The following ADAMTS2 variants were observed in gnomAD, a reference collection of about 807,000 sequenced individuals.
The protein encoded by ADAMTS2 is A disintegrin and metalloproteinase with thrombospondin motifs 2.
A neutral mutation model predicts 123.0 loss-of-function variants in ADAMTS2; 50 were observed. The ratio of observed to expected loss-of-function variants is 0.41; its 90% CI spans 0.32 to 0.51. ADAMTS2 has a LOEUF of 0.51. ADAMTS2 is among the 20% of genes least tolerant of loss of function. The pLI, the probability that ADAMTS2 is intolerant of heterozygous loss-of-function variation, is 0.35. For synonymous variants in ADAMTS2, 678 were observed against 695.4 expected (o/e 0.98, Z 0.39); for missense variants, 1,494 against 1,705.2 (o/e 0.88, Z 2.18).
Position 179,162,693 on chromosome 5 carries a change from C to T in ADAMTS2, c.976-3814G>A, listed in dbSNP as rs111611225. ...TCTGCTTTTGATAGAATCTCAGTCC[C>T]GCCTACCGCAGGGCATGGACATTAA... On this transcript the variant is annotated intron_variant, in intron 5 of 21. Transcript: ENST00000251582. This position sits in a 1 kb window ranked among gnomAD's most constrained non-coding sequence, Gnocchi z 5.1. Among the ~76,000 whole-genome samples, 976 of 152,350 alleles carry T rather than the reference C, an allele frequency of 6.4e-3. 4 individuals carry two copies. The highest frequency in any genetic ancestry group is 9.0e-3 in the Non-Finnish European group (610 of 68,036).
chr5:179,223,810 ATG>A lies in ADAMTS2; in HGVS notation c.689-16097_689-16096del, dbSNP rs548416353. Among the ~76,000 whole-genome samples the A allele has an allele frequency of 2.0e-4, 31 of 151,348 alleles. No homozygotes were observed. In the South Asian group the frequency reaches 5.9e-3, roughly 29 times the overall value. Reference sequence around the variant, plus strand: ...GTGTGCATGTCACACGTGTGTGCATATGTGACATGCACACTCAGGCACACACA... The same window carrying A: ...GTGTGCATGTCACACGTGTGTGCATATGACATGCACACTCAGGCACACACA... On this transcript the variant is annotated intron_variant, in intron 3 of 21. Transcript: ENST00000251582.
At position 179,175,898 on chromosome 5, in the gene ADAMTS2, G is replaced by A. The variant is rs1376183239; in HGVS notation, c.975+5174C>T. 1.3e-5 allele frequency among the ~76,000 whole-genome samples: 2 copies of A among 152,002 alleles called. No homozygotes were observed. The highest frequency in any genetic ancestry group is 4.8e-5 in the African/African-American group (2 of 41,380). ...AGCAGGTTCAGCAGGCTGCGGATCTGCTGAGCAAGAAGCTTCCGTGGAGAA... is the reference window on the plus strand; with the variant it reads ...AGCAGGTTCAGCAGGCTGCGGATCTACTGAGCAAGAAGCTTCCGTGGAGAA... On this transcript the variant is annotated intron_variant, in intron 5 of 21. Transcript: ENST00000251582. This position sits in a 1 kb window ranked among gnomAD's most constrained non-coding sequence, Gnocchi z 4.1.
intron 2 of ADAMTS2, among the ~76,000 whole-genome samples, chr5:179,339,118 T>A (rs1027420051): frequency 6.6e-6 from 1 of 152,202 alleles, no homozygotes; most frequent in Non-Finnish European, 1.5e-5. Context: ...TCCCTTCTTG[T>A]ATGATAGGCC....
chr5:179,151,443 G>A (rs1234279653), intron 10 of ADAMTS2, among the ~76,000 whole-genome samples: 1 of 152,136 alleles, frequency 6.6e-6, no homozygotes, highest in Non-Finnish European at 1.5e-5. Context: ...GGCCTGGCTG[G>A]GATGTGCACC....
chr5:179,125,156 T>C lies in ADAMTS2; in HGVS notation c.2775A>G (p.Pro925=). ...CTGTCCGCCCACAGGTCTGGCTACATGGCTCCCATTCGCCTGTGACCCACC... is the reference window on the plus strand; with the variant it reads ...CTGTCCGCCCACAGGTCTGGCTACACGGCTCCCATTCGCCTGTGACCCACC... ...QPVWVTGEWE[P]CSQTCGRTGM... Residue 925 remains proline, a synonymous_variant, in exon 19 of 22, where the codon CCA becomes CCG. Coordinates refer to ENST00000251582, the MANE Select transcript of ADAMTS2 (RefSeq NM_014244.5). 6 of 1,612,802 alleles carry C rather than the reference T, an allele frequency of 3.7e-6. No individual in the cohort carries two copies. Among genetic ancestry groups the C allele is most frequent in the Non-Finnish European group, 5.1e-6 (6 of 1,179,912 alleles).
intron 2 of ADAMTS2, among the ~76,000 whole-genome samples, chr5:179,340,293 G>A (rs1757736452): frequency 6.6e-6 from 1 of 152,190 alleles, no homozygotes; most frequent in African/African-American, 2.4e-5. Context: ...GGAGGCAGAG[G>A]CGGGCAGGGT....
At chr5:179,195,393 C>T (rs2113347017) in intron 4 of ADAMTS2, among the ~76,000 whole-genome samples, 1 of 152,364 alleles carries the variant, frequency 6.6e-6, no homozygotes, top group South Asian at 2.1e-4. Context: ...TCAGGCCACC[C>T]ACACACCAGA....
At position 179,113,888 on chromosome 5, in the gene ADAMTS2, T is replaced by C. The variant is rs1762614350; in HGVS notation, c.3615A>G (p.Lys1205=). ...TTTATTAGAACTTTCCGAGCATCTC[T>C]TTCTTCCGCATCTCATCAATGAGCT... ...IQELIDEMRK[K]EMLGKF Residue 1205 remains lysine, a synonymous_variant, in exon 22 of 22, where the codon AAA becomes AAG. Coordinates refer to ENST00000251582, the MANE Select transcript of ADAMTS2 (RefSeq NM_014244.5). 1 of 1,614,246 alleles carries C rather than the reference T, an allele frequency of 6.2e-7. No homozygotes were observed. The highest frequency in any genetic ancestry group is 8.5e-7 in the Non-Finnish European group (1 of 1,180,048).
chr5:179,289,583 C>T (rs1287101769), intron 2 of ADAMTS2, among the ~76,000 whole-genome samples: 2 of 152,098 alleles, frequency 1.3e-5, no homozygotes, highest in East Asian at 1.9e-4. Context: ...ATTTAATCAT[C>T]GCAATGGGAA....
rs1185547080 is a variant in ADAMTS2, at chr5:179,117,496, C to A, written c.3179-3172G>T. ...CCATCTACGGCTAGTGTGCCAAGTC[C>A]CTCCCTCCACCTGGTTTTGTAAATA... On this transcript the variant is annotated intron_variant, in intron 21 of 21. Transcript: ENST00000251582. The surrounding 1 kb of genome is among the most constrained non-coding windows in gnomAD (Gnocchi z 4.2). Among the ~76,000 whole-genome samples the A allele has an allele frequency of 6.6e-6, 1 of 152,174 alleles. No homozygotes were observed. Among genetic ancestry groups the A allele is most frequent in the Non-Finnish European group, 1.5e-5 (1 of 68,022 alleles).
intron 10 of ADAMTS2, chr5:179,151,035 T>C (rs2113243753): frequency 4.3e-6 from 1 of 234,358 alleles, no homozygotes; most frequent in African/African-American, 2.3e-5. Context: ...TAGCTGGGAT[T>C]ACAGGCACCC....
At chr5:179,259,997 C>T (rs1282950557) in intron 3 of ADAMTS2, among the ~76,000 whole-genome samples, 1 of 152,238 alleles carries the variant, frequency 6.6e-6, no homozygotes, top group Admixed American at 6.5e-5. Context: ...ATTACGACTT[C>T]TAAGGCAGGA....
At chr5:179,337,545 A>G (rs1757648535) in intron 2 of ADAMTS2, among the ~76,000 whole-genome samples, 1 of 152,232 alleles carries the variant, frequency 6.6e-6, no homozygotes, top group African/African-American at 2.4e-5. Context: ...TGCAGCCACC[A>G]GCCTGCTGTG....
At chr5:179,179,255 G>GT (rs36081300) in intron 5 of ADAMTS2, among the ~76,000 whole-genome samples, 71,675 of 144,600 alleles carry the variant, frequency 0.5, 18,108 homozygotes, top group East Asian at 0.79. Flanking sequence ...CCCCTAGTAG[G>GT]TTTTTTTTTT....
In ADAMTS2 at chr5:179,118,131, T is replaced by A. The variant is rs1762694952; in HGVS notation, c.3178+3530A>T. 1.3e-5 allele frequency among the ~76,000 whole-genome samples: 2 copies of A among 151,964 alleles called. No individual in the cohort carries two copies. The highest frequency in any genetic ancestry group is 3.2e-3 in the Middle Eastern group (1 of 316). ...ACAGTGGGCGGCATTGCTCTTAGTT[T>A]AAAAAAATAAAAATACGTCAATGAG... On this transcript the variant is annotated intron_variant, in intron 21 of 21. Coordinates refer to ENST00000251582, the MANE Select transcript of ADAMTS2 (RefSeq NM_014244.5). The surrounding 1 kb of genome is among the most constrained non-coding windows in gnomAD (Gnocchi z 4.5).
intron 4 of ADAMTS2, among the ~76,000 whole-genome samples, chr5:179,187,239 C>T (rs1249963684): frequency 6.6e-6 from 1 of 152,218 alleles, no homozygotes; most frequent in African/African-American, 2.4e-5. Flanking sequence ...GACCTCCTTG[C>T]TTAAACCCTT....
intron 10 of ADAMTS2, among the ~76,000 whole-genome samples, chr5:179,148,590 T>C (rs1763295103): frequency 6.6e-6 from 1 of 152,180 alleles, no homozygotes; most frequent in Admixed American, 6.5e-5. Flanking sequence ...ACCAGGTCTC[T>C]GTGTCTGAGG....
chr5:179,116,993 G>A (rs1762669296), intron 21 of ADAMTS2, among the ~76,000 whole-genome samples: 1 of 152,218 alleles, frequency 6.6e-6, no homozygotes, highest in Non-Finnish European at 1.5e-5. Context: ...AAGATCCTGA[G>A]ATGTGGCTGT....
chr5:179,318,765 A>G (rs1185710212), intron 2 of ADAMTS2, among the ~76,000 whole-genome samples: 1 of 151,538 alleles, frequency 6.6e-6, no homozygotes, highest in Non-Finnish European at 1.5e-5. Flanking sequence ...CCTGGGGGAA[A>G]CACTGATGTC....
Sources: gnomAD v4.1 joint callset for allele counts (sites outside exome capture counted in the v4.1 genomes callset) on GRCh38, gnomAD v4.1.1 for gene constraint, Gnocchi (gnomAD v3.1) non-coding constraint, MANE v1.5 for transcripts, NCBI Gene and HGNC (gene_info 2026-07-23, HGNC 2026-07-21) for gene names.